The following CHURC1 variants were observed in gnomAD, a reference collection of about 807,000 sequenced individuals.
CHURC1 encodes churchill domain containing 1.
Under a neutral mutation model 15.4 loss-of-function variants are expected in CHURC1, and 12 were observed. The ratio of observed to expected loss-of-function variants is 0.78; its 90% CI spans 0.50 to 1.27. The LOEUF is 1.27. Ranked by LOEUF, CHURC1 falls within the 50% of genes most tolerant of loss-of-function variation. The pLI, the probability that CHURC1 is intolerant of heterozygous loss-of-function variation, is 0.00. For missense variants in CHURC1, 132 were observed against 137.8 expected, an observed-to-expected ratio of 0.96 and a Z score of 0.21; for synonymous variants, 42 against 47.5, an observed-to-expected ratio of 0.88 and a Z score of 0.48.
intron 1 of CHURC1, among the ~76,000 whole-genome samples, chr14:64,919,042 C>T (rs1884089407): frequency 6.6e-6 from 1 of 152,194 alleles, no homozygotes; most frequent in African/African-American, 2.4e-5. Flanking sequence ...TGAATTCAAA[C>T]ATGAGTCAAG....
intron 2 of CHURC1, 31 bp from the exon 3 acceptor site, chr14:64,925,975 GACTT>G (rs757239801): frequency 6.7e-7 from 1 of 1,501,964 alleles, no homozygotes; most frequent in Non-Finnish European, 9.1e-7. Flanking sequence ...AACTCTCTAA[GACTT>G]AATTACGTAA....
intron 1 of CHURC1, among the ~76,000 whole-genome samples, chr14:64,916,874 G>A (rs778126103): frequency 1.3e-5 from 2 of 152,050 alleles, no homozygotes; most frequent in Non-Finnish European, 2.9e-5. Context: ...CACCGCGCCG[G>A]GCCTTAGGTT....
intron 3 of CHURC1, among the ~76,000 whole-genome samples, chr14:64,927,761 A>G (rs1884825907): frequency 8.6e-6 from 1 of 116,124 alleles, no homozygotes; most frequent in Non-Finnish European, 1.7e-5. Context: ...CTACCATCAT[A>G]TTAATTTTCT....
rs1885242725 is a variant in CHURC1 at position 64,934,647 on chromosome 14, A to G, written c.*2417A>G. The G allele has an allele frequency of 6.1e-6, 6 of 985,414 alleles. No homozygotes were observed. The highest frequency in any genetic ancestry group is 7.2e-6 in the Non-Finnish European group (6 of 829,922). The allele number at this position is 985,414 out of a possible 1,614,324, so 61.0% of individuals were successfully genotyped here. On this transcript the variant is annotated 3_prime_UTR_variant, in exon 4 of 4. Transcript: ENST00000549115. Reference sequence around the variant, plus strand: ...AATCTATATCTGACCTGCTGAGGAAATCGTTTGGTGAAATGAATCCAGAAA... The same window carrying G: ...AATCTATATCTGACCTGCTGAGGAAGTCGTTTGGTGAAATGAATCCAGAAA...
At position 64,926,035 on chromosome 14, in the gene CHURC1, A is replaced by C. The variant is rs765514440; in HGVS notation, c.201A>C (p.Val67=). ...YDHLCKNCHH[V]IARHEYTFSI... Reference sequence around the variant, plus strand: ...ATTTGTGTAAGAATTGTCATCATGTAATAGCCAGACATGAGTATACATTCA... The same window carrying C: ...ATTTGTGTAAGAATTGTCATCATGTCATAGCCAGACATGAGTATACATTCA... Residue 67 remains valine (V), a synonymous_variant, in exon 3 of 4, where the codon GTA becomes GTC. Transcript: ENST00000549115. 6.2e-7 allele frequency: 1 copy of C among 1,600,710 alleles called. No individual in the cohort carries two copies. The highest frequency in any genetic ancestry group is 8.5e-7 in the Non-Finnish European group (1 of 1,174,402).
intron 1 of CHURC1, among the ~76,000 whole-genome samples, chr14:64,921,923 T>C (rs117316280): frequency 0.045 from 6,850 of 152,288 alleles, 225 homozygotes; most frequent in East Asian, 0.077. Context: ...CAGGGAATAC[T>C]ATTTGGCAAT....
At position 64,933,972 on chromosome 14, in the gene CHURC1, A is replaced by G; in HGVS notation, c.*1742A>G. 1 of 985,458 alleles carries G rather than the reference A, an allele frequency of 1.0e-6. No individual in the cohort carries two copies. The highest frequency in any genetic ancestry group is 1.2e-6 in the Non-Finnish European group (1 of 829,940). The allele number at this position is 985,458 out of a possible 1,614,324, so 61.0% of individuals were successfully genotyped here. On this transcript the variant is annotated 3_prime_UTR_variant, in exon 4 of 4. Transcript: ENST00000549115. The stretch of plus-strand genomic sequence containing the variant: ...AGATATGGCTTGTTATTTGTAAGTT[A>G]TCATGAAAAGGTTTATATTCACTAT...
chr14:64,925,864 G>A (rs1262783272), intron 2 of CHURC1, 146 bp from the exon 3 acceptor site: 3 of 469,042 alleles, frequency 6.4e-6, no homozygotes, highest in Non-Finnish European at 1.1e-5. Flanking sequence ...AAAAATCAAG[G>A]TAGATACTAT....
At chr14:64,927,268 C>G (rs1278425263) in intron 3 of CHURC1, among the ~76,000 whole-genome samples, 1 of 152,058 alleles carries the variant, frequency 6.6e-6, no homozygotes, top group African/African-American at 2.4e-5. Context: ...TCTTCAGCAT[C>G]CAAAAATTAT....
chr14:64,926,142 C>A, intron 3 of CHURC1, 62 bp downstream of exon 3: 1 of 1,150,540 alleles, frequency 8.7e-7, no homozygotes. Context: ...TAAAAGTGCT[C>A]TTGAGAATCT....
intron 2 of CHURC1, among the ~76,000 whole-genome samples, chr14:64,925,311 T>A (rs954949196): frequency 6.6e-6 from 1 of 152,232 alleles, no homozygotes. Context: ...CTTTGGTTTT[T>A]ATTTATGATT....
At chr14:64,914,678 C>A in intron 1 of CHURC1, 144 bp downstream of exon 1, 1 of 1,462,160 alleles carries the variant, frequency 6.8e-7, no homozygotes, top group Non-Finnish European at 9.2e-7. Context: ...TTTAGGCACA[C>A]CAGGGATGGC....
rs544983880 is a variant in CHURC1, at chr14:64,932,357, T to C, written c.*127T>C. The C allele has an allele frequency of 6.9e-7, 1 of 1,456,400 alleles. No homozygotes were observed. The highest frequency in any genetic ancestry group is 9.1e-7 in the Non-Finnish European group (1 of 1,102,016). 90.2% of individuals were successfully genotyped at this position (1,456,400 alleles called of 1,614,324 possible). A position where few individuals can be genotyped will look rare whatever the true frequency, so the allele number is the denominator to read the frequency against. On this transcript the variant is annotated 3_prime_UTR_variant, in exon 4 of 4. Coordinates refer to ENST00000549115, the MANE Select transcript of CHURC1 (RefSeq NM_001386928.1). ...TTTTTTTTCTGCTTAGACTTACTTA[T>C]TCTTTGAGGAAAAAAGGTAATGTAG...
chr14:64,932,378 T>C lies in CHURC1; in HGVS notation c.*148T>C. 1 of 1,419,246 alleles carries C rather than the reference T, an allele frequency of 7.0e-7. No homozygotes were observed. Among genetic ancestry groups the C allele is most frequent in the East Asian group, 2.5e-5 (1 of 39,294 alleles). 87.9% of individuals were successfully genotyped at this position (1,419,246 alleles called of 1,614,324 possible). A position where few individuals can be genotyped will look rare whatever the true frequency, so the allele number is the denominator to read the frequency against. Reference sequence around the variant, plus strand: ...CTTATTCTTTGAGGAAAAAAGGTAATGTAGGAGCTCATTGTTCTCTAGAGC... The same window carrying C: ...CTTATTCTTTGAGGAAAAAAGGTAACGTAGGAGCTCATTGTTCTCTAGAGC... On this transcript the variant is annotated 3_prime_UTR_variant, in exon 4 of 4. Coordinates refer to ENST00000549115, the MANE Select transcript of CHURC1 (RefSeq NM_001386928.1).
intron 1 of CHURC1, among the ~76,000 whole-genome samples, chr14:64,918,272 A>G (rs1884027862): frequency 1.3e-5 from 2 of 152,214 alleles, no homozygotes; most frequent in Admixed American, 1.3e-4. Context: ...AGATTTAGAA[A>G]TAATTAGTGG....
chr14:64,933,915 A>T lies in CHURC1; in HGVS notation c.*1685A>T. 1 of 985,304 alleles carries T rather than the reference A, an allele frequency of 1.0e-6. No individual in the cohort carries two copies. 61.0% of individuals were successfully genotyped at this position (985,304 alleles called of 1,614,324 possible). On this transcript the variant is annotated 3_prime_UTR_variant, in exon 4 of 4. Transcript: ENST00000549115. ...TTTAATCCTCATTAACAAATTCATA[A>T]GGTAGGTGCTATTGATAGTTTAGCC...
chr14:64,920,283 A>C (rs1399402365), intron 1 of CHURC1, among the ~76,000 whole-genome samples: 8 of 152,180 alleles, frequency 5.3e-5, no homozygotes, highest in Non-Finnish European at 1.2e-4. Flanking sequence ...CAGATTTTCT[A>C]AGGGTACTAA....
chr14:64,934,520 A>G lies in CHURC1; in HGVS notation c.*2290A>G. 2 of 985,444 alleles carry G rather than the reference A, an allele frequency of 2.0e-6. No homozygotes were observed. Among genetic ancestry groups the G allele is most frequent in the African/African-American group, 1.7e-5 (1 of 57,366 alleles). The allele number at this position is 985,444 out of a possible 1,614,324, so 61.0% of individuals were successfully genotyped here. A position where few individuals can be genotyped will look rare whatever the true frequency, so the allele number is the denominator to read the frequency against. The stretch of plus-strand genomic sequence containing the variant: ...AATATCAGTGACAGTACTCTGAGGC[A>G]TCTGGGCATGTCAGATGAAGATTTA... On this transcript the variant is annotated 3_prime_UTR_variant, in exon 4 of 4. Transcript: ENST00000549115.
intron 2 of CHURC1, 39 bp from the exon 3 acceptor site, chr14:64,925,971 C>CT (rs749138825): frequency 4.1e-6 from 6 of 1,460,194 alleles, no homozygotes; most frequent in East Asian, 2.3e-5. Flanking sequence ...AAGAAACTCT[C>CT]TAAGACTTAA....
Sources: allele counts gnomAD v4.1 joint callset (sites outside exome capture counted in the v4.1 genomes callset), GRCh38; gene constraint gnomAD v4.1.1; transcripts MANE v1.5; gene names NCBI Gene and HGNC (gene_info 2026-07-23, HGNC 2026-07-21).